Variants in CSRNP3 observed in about 807,000 individuals in gnomAD.
CSRNP3 encodes the protein cysteine and serine rich nuclear protein 3.
A neutral mutation model predicts 48.0 loss-of-function variants in CSRNP3; 12 were observed. That is an observed-to-expected ratio of 0.25 (90% CI 0.16 to 0.41). CSRNP3 has a LOEUF of 0.41. Ranked by LOEUF, CSRNP3 falls within the 10% of genes least tolerant of loss-of-function variation. The pLI is 1.00. For synonymous variants in CSRNP3, 263 were observed against 269.7 expected, an observed-to-expected ratio of 0.98 and a Z score of 0.24; for missense variants, 580 against 724.4, an observed-to-expected ratio of 0.80 and a Z score of 2.29.
chr2:165,485,399 T>G (rs907703006), intron 1 of CSRNP3, among the ~76,000 whole-genome samples: 2 of 152,194 alleles, frequency 1.3e-5, no homozygotes, highest in African/African-American at 4.8e-5. Context: ...CTGATAAACA[T>G]AAGGTACAAC....
chr2:165,649,229 A>T (rs1398773261), intron 4 of CSRNP3, among the ~76,000 whole-genome samples: 1 of 152,214 alleles, frequency 6.6e-6, no homozygotes, highest in East Asian at 1.9e-4. Context: ...ACTTAGTCTT[A>T]TATGAGAGGG....
At chr2:165,572,213 G>A (rs1685383979) in intron 3 of CSRNP3, 1 of 152,082 alleles carries the variant, frequency 6.6e-6, no homozygotes, top group Non-Finnish European at 1.5e-5. Flanking sequence ...ACTTAGAGCA[G>A]CTTCCTTATC....
At chr2:165,500,672 G>A (rs1022822663) in intron 2 of CSRNP3, among the ~76,000 whole-genome samples, 16 of 151,896 alleles carry the variant, frequency 1.1e-4, no homozygotes, top group Non-Finnish European at 1.9e-4. Flanking sequence ...TAGCCAGGCT[G>A]GTCTTGAACT....
intron 2 of CSRNP3, among the ~76,000 whole-genome samples, chr2:165,503,529 C>T (rs1371773021): frequency 1.3e-5 from 2 of 151,802 alleles, no homozygotes; most frequent in Non-Finnish European, 2.9e-5. Flanking sequence ...AAAAACAGTA[C>T]ACTACCATAC....
chr2:165,642,442 T>A (rs1250678615), intron 4 of CSRNP3, among the ~76,000 whole-genome samples: 1 of 152,254 alleles, frequency 6.6e-6, no homozygotes, highest in African/African-American at 2.4e-5. Flanking sequence ...TCACATACTA[T>A]ATGATAGCTA....
intron 4 of CSRNP3, among the ~76,000 whole-genome samples, chr2:165,606,417 G>GA (rs1686014430): frequency 7.1e-6 from 1 of 141,294 alleles, no homozygotes; most frequent in Non-Finnish European, 1.5e-5. Context: ...ATAATACACA[G>GA]AAAAAAGGCT....
chr2:165,607,202 T>C (rs1427068423), intron 4 of CSRNP3, among the ~76,000 whole-genome samples: 3 of 152,162 alleles, frequency 2.0e-5, no homozygotes, highest in Non-Finnish European at 4.4e-5. Context: ...ATAGGACATA[T>C]CACAATTTGC....
At chr2:165,613,002 T>C (rs1291782769) in intron 4 of CSRNP3, among the ~76,000 whole-genome samples, 1 of 152,180 alleles carries the variant, frequency 6.6e-6, no homozygotes, top group Non-Finnish European at 1.5e-5. Flanking sequence ...CCATACTATA[T>C]TCCATAATGG....
At position 165,684,393 on chromosome 2, in the gene CSRNP3, C is replaced by T. The variant is rs1314802991; in HGVS notation, c.*4640C>T. 1 of 152,004 alleles carries T rather than the reference C, an allele frequency of 6.6e-6. No individual in the cohort carries two copies. Among genetic ancestry groups the T allele is most frequent in the Non-Finnish European group, 1.5e-5 (1 of 67,970 alleles). 9.4% of individuals were successfully genotyped at this position (152,004 alleles called of 1,614,324 possible). On this transcript the variant is annotated 3_prime_UTR_variant, in exon 7 of 7. Transcript: ENST00000651982. ...TTCTCTTTAAAATGGCATCTCTGTT[C>T]CTTATTCTCTTGATGACAGTTTGCA...
intron 3 of CSRNP3, among the ~76,000 whole-genome samples, chr2:165,576,593 G>A (rs1280131574): frequency 6.6e-6 from 1 of 152,006 alleles, no homozygotes; most frequent in Non-Finnish European, 1.5e-5. Flanking sequence ...TATATGTCCT[G>A]CAGCTAATTT....
Position 165,678,708 on chromosome 2 carries a change from G to A in CSRNP3, c.713G>A (p.Arg238His), listed in dbSNP as rs1022392642. 9 of 1,613,040 alleles carry A rather than the reference G, an allele frequency of 5.6e-6. No homozygotes were observed. The highest frequency in any genetic ancestry group is 1.7e-5 in the Admixed American group (1 of 59,972). ...TGTGTTCTTCCTTCCAAGGTGGATC[G>A]TATGTCTTTCCCATGCGGCTGCACT... Reference protein sequence around the residue: ...SLAGIKCQVDRMSFPCGCTKE... With the variant: ...SLAGIKCQVDHMSFPCGCTKE... Residue 238 changes from arginine to histidine, a missense_variant, in exon 7 of 7, where the codon CGT becomes CAT. Physicochemically the swap from Arg to His is conservative, Grantham distance 29. Coordinates refer to ENST00000651982, the MANE Select transcript of CSRNP3 (RefSeq NM_001172173.2).
At chr2:165,642,376 A>C (rs372351535) in intron 4 of CSRNP3, among the ~76,000 whole-genome samples, 1 of 152,192 alleles carries the variant, frequency 6.6e-6, no homozygotes, top group East Asian at 1.9e-4. Flanking sequence ...GAAACCTTTC[A>C]GTTTTAGACT....
intron 3 of CSRNP3, among the ~76,000 whole-genome samples, chr2:165,588,654 C>G (rs1026006520): frequency 3.3e-5 from 5 of 152,108 alleles, no homozygotes; most frequent in Non-Finnish European, 5.9e-5. Flanking sequence ...GGCTTTGGTG[C>G]TATAAAAGCC....
At chr2:165,666,119 G>A (rs1687191143) in intron 5 of CSRNP3, among the ~76,000 whole-genome samples, 1 of 128,540 alleles carries the variant, frequency 7.8e-6, no homozygotes, top group African/African-American at 2.9e-5. Flanking sequence ...GAAAGAGAGA[G>A]AGAAAGGAAG....
intron 5 of CSRNP3, among the ~76,000 whole-genome samples, chr2:165,666,073 A>G (rs1687188733): frequency 2.2e-5 from 1 of 45,880 alleles, no homozygotes; most frequent in Non-Finnish European, 5.0e-5. Context: ...AAAGAAAGAG[A>G]GAGAGAGAAA....
chr2:165,520,178 A>G (rs1372040463), intron 3 of CSRNP3, among the ~76,000 whole-genome samples: 2 of 152,200 alleles, frequency 1.3e-5, no homozygotes, highest in Non-Finnish European at 2.9e-5. Context: ...AAATATATAG[A>G]GTTGGAAATT....
At chr2:165,624,751 T>G (rs1686400273) in intron 4 of CSRNP3, among the ~76,000 whole-genome samples, 1 of 152,164 alleles carries the variant, frequency 6.6e-6, no homozygotes, top group African/African-American at 2.4e-5. Context: ...TCCCATCACC[T>G]CTTTCCTTTA....
intron 5 of CSRNP3, among the ~76,000 whole-genome samples, chr2:165,673,213 C>T (rs934622667): frequency 2.4e-5 from 3 of 123,538 alleles, no homozygotes; most frequent in Non-Finnish European, 4.8e-5. Flanking sequence ...TATTGTCTCA[C>T]TGCAACCTTT....
intron 1 of CSRNP3, among the ~76,000 whole-genome samples, chr2:165,486,111 G>A (rs1230941281): frequency 6.6e-6 from 1 of 152,184 alleles, no homozygotes; most frequent in African/African-American, 2.4e-5. Flanking sequence ...GCCGAAGCAG[G>A]GCGAGGCATT....
Sources: allele counts gnomAD v4.1 joint callset (sites outside exome capture counted in the v4.1 genomes callset), GRCh38; gene constraint gnomAD v4.1.1; transcripts MANE v1.5; gene names NCBI Gene and HGNC (gene_info 2026-07-23, HGNC 2026-07-21).